Variants in CD96 observed in about 807,000 individuals in gnomAD.
The protein encoded by CD96 is T-cell surface protein tactile.
Under a neutral mutation model 71.3 loss-of-function variants are expected in CD96, and 70 were observed. The observed-to-expected ratio is 0.98, with a 90% CI of 0.81 to 1.20. CD96 has a LOEUF of 1.20. Among genes scored for constraint, CD96 ranks in the 50% most tolerant of loss-of-function variants. The pLI is 0.00. For synonymous variants in CD96, 248 were observed against 233.0 expected (o/e 1.06, Z -0.59); for missense variants, 742 against 677.5 (o/e 1.10, Z -1.06).
rs570427483 is a variant in CD96 at position 111,582,926 on chromosome 3, C to T, written c.752-2397C>T. Among the ~76,000 whole-genome samples, 5 of 152,290 alleles carry T rather than the reference C, an allele frequency of 3.3e-5. No individual in the cohort carries two copies. The East Asian group carries it at 9.7e-4, about 29-fold the overall frequency. ...TGGCCTGTCCCAAATCTCATGTCCT[C>T]ACATTTCAAAATCAATCATGCCTTC... On this transcript the variant is annotated intron_variant, in intron 4 of 13. Transcript: ENST00000352690.
chr3:111,552,934 C>T (rs1461523942), intron 2 of CD96, among the ~76,000 whole-genome samples: 7 of 152,054 alleles, frequency 4.6e-5, no homozygotes, highest in African/African-American at 1.7e-4. Context: ...TTCCCACATA[C>T]TGAACATACA....
At chr3:111,563,135 A>G (rs577622134) in intron 2 of CD96, among the ~76,000 whole-genome samples, 2 of 152,372 alleles carry the variant, frequency 1.3e-5, no homozygotes, top group African/African-American at 4.8e-5. Flanking sequence ...AATGCCACTC[A>G]TGAAAGCTCT....
At chr3:111,617,595 T>A (rs962255984) in intron 8 of CD96, among the ~76,000 whole-genome samples, 5 of 152,162 alleles carry the variant, frequency 3.3e-5, no homozygotes, top group Admixed American at 2.6e-4. Flanking sequence ...CACTGAGAGC[T>A]GGACACTCAT....
chr3:111,636,227 C>T (rs543553774), intron 10 of CD96, among the ~76,000 whole-genome samples: 5 of 152,280 alleles, frequency 3.3e-5, no homozygotes, highest in African/African-American at 9.6e-5. Context: ...GGACTCTTAC[C>T]TCTTCTGGAG....
rs180691076 is a variant in CD96, at chr3:111,657,475, A to G, written c.*52+7617A>G. On this transcript the variant is annotated intron_variant and NMD_transcript_variant, in intron 14 of 14. Transcript: ENST00000494798. ...ACAAAATTTGACTATATATTTGACT[A>G]TATACCCCAGTCTCGTGTAGGGTGG... Among the ~76,000 whole-genome samples, 429 of 151,794 alleles carry G rather than the reference A, an allele frequency of 2.8e-3. 5 individuals carry two copies. The highest frequency in any genetic ancestry group is 4.2e-3 in the Non-Finnish European group (284 of 67,922).
chr3:111,577,929 A>G (rs144751338), intron 3 of CD96, among the ~76,000 whole-genome samples: 4 of 152,262 alleles, frequency 2.6e-5, no homozygotes, highest in Non-Finnish European at 5.9e-5. Flanking sequence ...ATGACTGTAC[A>G]CAAGGATTCA....
chr3:111,658,255 A>C (rs1430100460), intron 14 of CD96, among the ~76,000 whole-genome samples: 1 of 152,202 alleles, frequency 6.6e-6, no homozygotes, highest in African/African-American at 2.4e-5. Context: ...CGATATAGTT[A>C]AGTATATTAA....
At chr3:111,567,372 G>A (rs1173733680) in intron 2 of CD96, 151 bp from the exon 3 acceptor site, 18 of 649,534 alleles carry the variant, frequency 2.8e-5, no homozygotes, top group Non-Finnish European at 4.4e-5. Context: ...TATACAATGA[G>A]GGCTATCGTG....
chr3:111,563,848 G>A (rs1935572976), intron 2 of CD96, among the ~76,000 whole-genome samples: 1 of 152,068 alleles, frequency 6.6e-6, no homozygotes, highest in Admixed American at 6.6e-5. Context: ...TATTCTATTG[G>A]AGAATCCTCA....
At chr3:111,623,294 T>C (rs74748848) in intron 8 of CD96, among the ~76,000 whole-genome samples, 1,605 of 152,214 alleles carry the variant, frequency 0.011, 34 homozygotes, top group African/African-American at 0.036. Context: ...TTATGGAGTA[T>C]AAAGATGGAG....
intron 10 of CD96, among the ~76,000 whole-genome samples, chr3:111,625,405 C>T (rs1450965983): frequency 6.6e-6 from 1 of 151,996 alleles, no homozygotes; most frequent in Non-Finnish European, 1.5e-5. Context: ...CACCCATGAA[C>T]CCAGTACCCA....
intron 3 of CD96, among the ~76,000 whole-genome samples, chr3:111,575,484 CTTG>C (rs1936181094): frequency 6.6e-6 from 1 of 152,188 alleles, no homozygotes; most frequent in Non-Finnish European, 1.5e-5. Flanking sequence ...TTCCAATCAA[CTTG>C]TTGTTCATGG....
chr3:111,567,680 A>G (rs1935785193), intron 3 of CD96, 33 bp downstream of exon 3: 5 of 1,586,412 alleles, frequency 3.2e-6, no homozygotes, highest in Non-Finnish European at 4.3e-6. Context: ...AATAACCTCA[A>G]TGGTCTTTAA....
intron 10 of CD96, among the ~76,000 whole-genome samples, chr3:111,625,443 A>G (rs559972683): frequency 1.3e-5 from 2 of 152,326 alleles, no homozygotes; most frequent in Middle Eastern, 6.8e-3. Flanking sequence ...GACAGTATTC[A>G]GAAGGGGGAG....
intron 10 of CD96, among the ~76,000 whole-genome samples, chr3:111,632,271 C>T (rs1187930829): frequency 6.6e-6 from 1 of 152,010 alleles, no homozygotes. Context: ...AACTAATTTA[C>T]AAGCAAAAAA....
intron 12 of CD96, among the ~76,000 whole-genome samples, chr3:111,638,980 T>C (rs559802735): frequency 3.0e-4 from 45 of 152,290 alleles, no homozygotes; most frequent in Non-Finnish European, 4.3e-4. Flanking sequence ...AAAAAAAATA[T>C]AGGCATTGAT....
intron 10 of CD96, among the ~76,000 whole-genome samples, chr3:111,628,054 A>T (rs1938864582): frequency 1.3e-5 from 2 of 152,232 alleles, no homozygotes; most frequent in South Asian, 4.1e-4. Flanking sequence ...AATTAGCACA[A>T]AAACACTGAA....
chr3:111,582,179 G>C (rs184570061), intron 4 of CD96, among the ~76,000 whole-genome samples: 1 of 152,316 alleles, frequency 6.6e-6, no homozygotes, highest in Non-Finnish European at 1.5e-5. Flanking sequence ...GAGTCATCTA[G>C]TCATCAAAGA....
At chr3:111,570,961 C>G in intron 3 of CD96, 3 of 1,545,230 alleles carry the variant, frequency 1.9e-6, no homozygotes, top group Non-Finnish European at 2.7e-6. Context: ...GGGCTGTGCT[C>G]TGAGGCCACC....
Sources: allele counts gnomAD v4.1 joint callset (sites outside exome capture counted in the v4.1 genomes callset), GRCh38; gene constraint gnomAD v4.1.1; transcripts MANE v1.5; gene names NCBI Gene and HGNC (gene_info 2026-07-23, HGNC 2026-07-21).